Variants in TYW5 observed in about 807,000 individuals in gnomAD.
The protein encoded by TYW5 is tRNA-yW synthesizing protein 5.
A neutral mutation model predicts 44.4 loss-of-function variants in TYW5; 36 were observed. The ratio of observed to expected loss-of-function variants is 0.81; its 90% CI spans 0.62 to 1.07. TYW5 has a LOEUF of 1.07. TYW5 is among the 50% of genes least tolerant of loss of function. The pLI, the probability that TYW5 is intolerant of heterozygous loss-of-function variation, is 0.00. For missense variants in TYW5, 354 were observed against 365.7 expected (o/e 0.97, Z 0.26); for synonymous variants, 121 against 128.1 (o/e 0.94, Z 0.37).
At chr2:199,941,644 A>C (rs1574800740) in intron 3 of TYW5, among the ~76,000 whole-genome samples, 2 of 152,226 alleles carry the variant, frequency 1.3e-5, no homozygotes, top group South Asian at 4.1e-4. Context: ...GTTCTTCGAA[A>C]GTCTAAGGGT....
rs1005624890 is a variant in TYW5, at chr2:199,951,755, G to A, written c.79-3283C>T. Among the ~76,000 whole-genome samples the A allele has an allele frequency of 3.9e-5, 6 of 152,034 alleles. No individual in the cohort carries two copies. The East Asian group carries it at 5.8e-4, about 15-fold the overall frequency. The stretch of plus-strand genomic sequence containing the variant: ...TATATGGCTGGGTGCAGTGGCTCAC[G>A]CTTGTAATCCCAGCACTTTGGGAGG... On this transcript the variant is annotated intron_variant, in intron 1 of 7. Transcript: ENST00000354611.
rs749813832 is a variant in TYW5, at chr2:199,940,086, T to C, written c.348+3A>G. On this transcript the variant is annotated splice_donor_region_variant and intron_variant, in intron 4 of 7. Transcript: ENST00000354611. ...GGAATTGTTTTACATTTAGAATTCT[T>C]ACCTTTCTAGGGTCTTCTCCAAGTG... 1.9e-6 allele frequency: 3 copies of C among 1,612,148 alleles called. No individual in the cohort carries two copies. Among genetic ancestry groups the C allele is most frequent in the South Asian group, 1.1e-5 (1 of 90,940 alleles).
Position 199,933,179 on chromosome 2 carries a change from A to G in TYW5, c.836T>C (p.Leu279Pro). The change falls in exon 8 of 8, where the codon CTG becomes CCG. Residue 279 changes from leucine (L) to proline (P), a missense_variant. By Grantham distance (98) the Leu-to-Pro change is moderately conservative. Transcript: ENST00000354611. ...GGCCAGTGTTTTCAAGGCTCTGTCCAGAATTTGTGCAGCTCTTGATGCTGC... is the reference window on the plus strand; with the variant it reads ...GGCCAGTGTTTTCAAGGCTCTGTCCGGAATTTGTGCAGCTCTTGATGCTGC... ...PTAASRAAQILDRALKTLAEL... is the reference protein window; with the variant it reads ...PTAASRAAQIPDRALKTLAEL... 1.2e-6 allele frequency: 2 copies of G among 1,614,170 alleles called. No individual in the cohort carries two copies. Among genetic ancestry groups the G allele is most frequent in the Non-Finnish European group, 1.7e-6 (2 of 1,180,022 alleles).
chr2:199,948,512 C>G (rs1200789482), intron 1 of TYW5, 40 bp from the exon 2 acceptor site: 1 of 1,607,662 alleles, frequency 6.2e-7, no homozygotes, highest in Non-Finnish European at 8.5e-7. Flanking sequence ...TTCATGAAAA[C>G]CAACAACACA....
intron 2 of TYW5, 81 bp from the exon 3 acceptor site, chr2:199,943,915 T>C: frequency 1.0e-6 from 1 of 955,784 alleles, no homozygotes; most frequent in Non-Finnish European, 1.6e-6. Context: ...CATAAAGGCT[T>C]GCTGGAGTTG....
At chr2:199,935,719 AACACACAC>A (rs142361195) in intron 7 of TYW5, among the ~76,000 whole-genome samples, 3,424 of 138,166 alleles carry the variant, frequency 0.025, 57 homozygotes, top group Middle Eastern at 0.047. Flanking sequence ...GCCTGCTTTA[AACACACAC>A]ACACACACAC....
chr2:199,941,587 C>T (rs1463067485), intron 3 of TYW5, among the ~76,000 whole-genome samples: 1 of 152,148 alleles, frequency 6.6e-6, no homozygotes, highest in African/African-American at 2.4e-5. Flanking sequence ...TTAGCTAGCA[C>T]CACATCACAT....
chr2:199,955,061 G>A (rs1182520738), intron 1 of TYW5, among the ~76,000 whole-genome samples: 1 of 152,154 alleles, frequency 6.6e-6, no homozygotes, highest in Non-Finnish European at 1.5e-5. Flanking sequence ...TTGGCTCAGT[G>A]GAGTGAAAAG....
In TYW5 at chr2:199,931,477, G is replaced by C. The variant is rs988474144; in HGVS notation, c.*1590C>G. ...GACCATAAATAATGTGTAAACTAAG[G>C]AGAGTTTTGTCTTTTTCCTTACTGA... On this transcript the variant is annotated 3_prime_UTR_variant, in exon 8 of 8. Transcript: ENST00000354611. 1.3e-5 allele frequency: 2 copies of C among 152,104 alleles called. No homozygotes were observed. Among genetic ancestry groups the C allele is most frequent in the African/African-American group, 4.8e-5 (2 of 41,436 alleles). 9.4% of individuals were successfully genotyped at this position (152,104 alleles called of 1,614,324 possible).
chr2:199,937,451 C>G (rs2077429151), intron 5 of TYW5, among the ~76,000 whole-genome samples: 1 of 151,360 alleles, frequency 6.6e-6, no homozygotes, highest in Non-Finnish European at 1.5e-5. Context: ...TTACTTGAAG[C>G]CAGGAGTTTG....
intron 3 of TYW5, among the ~76,000 whole-genome samples, chr2:199,941,426 AG>A (rs2077463969): frequency 3.3e-5 from 5 of 152,210 alleles, no homozygotes; most frequent in Admixed American, 3.3e-4. Flanking sequence ...AGATATACCA[AG>A]TCAAGCACTT....
intron 2 of TYW5, chr2:199,948,018 G>C (rs2077515733): frequency 3.9e-6 from 1 of 254,304 alleles, no homozygotes; most frequent in African/African-American, 2.3e-5. Flanking sequence ...CTTGAACCCA[G>C]GAGGCAGAGG....
chr2:199,945,057 T>A (rs1238090324), intron 2 of TYW5: 6 of 152,210 alleles, frequency 3.9e-5, no homozygotes, highest in Non-Finnish European at 5.9e-5. Context: ...AGCAGATGAT[T>A]TGGCTTTCCT....
At chr2:199,939,170 T>A in intron 4 of TYW5, 100 bp from the exon 5 acceptor site, 1 of 1,041,650 alleles carries the variant, frequency 9.6e-7, no homozygotes, top group East Asian at 2.6e-5. Flanking sequence ...AATACTATGA[T>A]GTGACCATGT....
In TYW5 at chr2:199,929,538, C is replaced by T. The variant is rs2077357259; in HGVS notation, c.*3529G>A. 6.8e-6 allele frequency among the ~76,000 whole-genome samples: 1 copy of T among 146,478 alleles called. No homozygotes were observed. Among genetic ancestry groups the T allele is most frequent in the Admixed American group, 7.0e-5 (1 of 14,370 alleles). On this transcript the variant is annotated 3_prime_UTR_variant, in exon 8 of 8. Transcript: ENST00000354611. The stretch of plus-strand genomic sequence containing the variant: ...ACAGTTCCAATTCCATCCAGGCCTG[C>T]CTTCCAGCTTCCTGCATTTTTTTTT...
chr2:199,950,631 C>T (rs923954315), intron 1 of TYW5, among the ~76,000 whole-genome samples: 3 of 151,996 alleles, frequency 2.0e-5, no homozygotes, highest in African/African-American at 7.3e-5. Flanking sequence ...TGAGTGAGTG[C>T]ATGTGGGTCT....
rs1244556999 is a variant in TYW5 at position 199,929,166 on chromosome 2, A to G, written c.*3901T>C. On this transcript the variant is annotated 3_prime_UTR_variant, in exon 8 of 8. Transcript: ENST00000354611. ...TCATTTTAGTATTCTGTTTAATGGA[A>G]CTTAGAAAGAGACTACATCGTGGGG... Among the ~76,000 whole-genome samples the G allele has an allele frequency of 1.3e-5, 2 of 148,754 alleles. No individual in the cohort carries two copies. The highest frequency in any genetic ancestry group is 3.0e-5 in the Non-Finnish European group (2 of 67,156).
At position 199,932,766 on chromosome 2, in the gene TYW5, T is replaced by C; in HGVS notation, c.*301A>G. 3.4e-6 allele frequency: 1 copy of C among 296,618 alleles called. No individual in the cohort carries two copies. Among genetic ancestry groups the C allele is most frequent in the Non-Finnish European group, 6.3e-6 (1 of 159,402 alleles). 18.4% of individuals were successfully genotyped at this position (296,618 alleles called of 1,614,324 possible). On this transcript the variant is annotated 3_prime_UTR_variant, in exon 8 of 8. Coordinates refer to ENST00000354611, the MANE Select transcript of TYW5 (RefSeq NM_001039693.3). ...TTGATGACATTACTGAATCATTGGA[T>C]CAGAAACACTGCAGCACATTCTGTC...
chr2:199,941,927 T>C (rs912424481), intron 3 of TYW5: 23 of 152,256 alleles, frequency 1.5e-4, no homozygotes, highest in African/African-American at 5.1e-4. Context: ...ATAGGCAGTC[T>C]GCTCAGGAGT....
Sources: gnomAD v4.1 joint callset for allele counts (sites outside exome capture counted in the v4.1 genomes callset) on GRCh38, gnomAD v4.1.1 for gene constraint, MANE v1.5 for transcripts, NCBI Gene and HGNC (gene_info 2026-07-23, HGNC 2026-07-21) for gene names.